CNGB3: variants seen among roughly 807,000 people sequenced by gnomAD.
The protein encoded by CNGB3 is cyclic nucleotide gated channel subunit beta 3, also known as cyclic nucleotide-gated channel beta-3.
Under a neutral mutation model 92.8 loss-of-function variants are expected in CNGB3, and 86 were observed. The observed-to-expected ratio is 0.93, with a 90% confidence interval of 0.78 to 1.11. CNGB3 has a LOEUF of 1.11. Ranked by LOEUF, CNGB3 falls within the 50% of genes least tolerant of loss-of-function variation. CNGB3 has a pLI of 0.00. For synonymous variants in CNGB3, 333 were observed against 332.7 expected (o/e 1.00, Z -0.01); for missense variants, 1,026 against 956.8 (o/e 1.07, Z -0.95).
chr8:86,591,777 T>A (rs1822043844), intron 15 of CNGB3, among the ~76,000 whole-genome samples: 2 of 152,252 alleles, frequency 1.3e-5, no homozygotes, highest in East Asian at 1.9e-4. Context: ...TCTGCAGAGG[T>A]TACTGCTGTC....
chr8:86,643,319 G>A (rs572715037), intron 10 of CNGB3, among the ~76,000 whole-genome samples: 1 of 151,310 alleles, frequency 6.6e-6, no homozygotes, highest in African/African-American at 2.4e-5. Flanking sequence ...TTTATTACTC[G>A]AGTACAATAC....
At chr8:86,634,053 T>A (rs1282158306) in intron 10 of CNGB3, among the ~76,000 whole-genome samples, 2 of 152,118 alleles carry the variant, frequency 1.3e-5, no homozygotes, top group Non-Finnish European at 2.9e-5. Flanking sequence ...CTGAGGTCAT[T>A]ACAGACCAGA....
Position 86,574,402 on chromosome 8 carries a change from T to C in CNGB3, c.*1402A>G, listed in dbSNP as rs1174995042. On this transcript the variant is annotated 3_prime_UTR_variant, in exon 18 of 18. Transcript: ENST00000320005. ...TTATCAAATAAATACTATTTAACAA[T>C]TTGTCCATATTCCCTTAAATCCTGA... The C allele has an allele frequency of 6.6e-6, 1 of 152,184 alleles. No individual in the cohort carries two copies. Among genetic ancestry groups the C allele is most frequent in the East Asian group, 1.9e-4 (1 of 5,200 alleles). 9.4% of individuals were successfully genotyped at this position (152,184 alleles called of 1,614,324 possible).
chr8:86,638,535 C>G (rs984462487), intron 10 of CNGB3, among the ~76,000 whole-genome samples: 1 of 152,104 alleles, frequency 6.6e-6, no homozygotes, highest in African/African-American at 2.4e-5. Flanking sequence ...ATCTTAGTCC[C>G]TAGTTTCTGT....
intron 7 of CNGB3, among the ~76,000 whole-genome samples, chr8:86,651,906 A>G (rs1451197720): frequency 6.6e-6 from 1 of 151,978 alleles, no homozygotes; most frequent in African/African-American, 2.4e-5. Context: ...ACAGGGACAT[A>G]TTCTGAGAAA....
At chr8:86,690,522 G>A (rs1031217127) in intron 3 of CNGB3, among the ~76,000 whole-genome samples, 1 of 152,148 alleles carries the variant, frequency 6.6e-6, no homozygotes, top group Non-Finnish European at 1.5e-5. Flanking sequence ...TATTCACTCT[G>A]ATGGTAGTTT....
At chr8:86,585,464 T>A (rs1821873404) in intron 15 of CNGB3, among the ~76,000 whole-genome samples, 9 of 152,052 alleles carry the variant, frequency 5.9e-5, no homozygotes, top group Admixed American at 5.9e-4. Flanking sequence ...CCCTCTGGAG[T>A]TGTGCAGTGT....
At chr8:86,687,429 G>C (rs746521129) in intron 3 of CNGB3, among the ~76,000 whole-genome samples, 25 of 151,936 alleles carry the variant, frequency 1.6e-4, no homozygotes, top group Admixed American at 6.6e-4. Context: ...AAAGAAGCTA[G>C]ACACAAAAGG....
At chr8:86,618,865 A>G (rs1333267340) in intron 13 of CNGB3, among the ~76,000 whole-genome samples, 4 of 152,186 alleles carry the variant, frequency 2.6e-5, no homozygotes, top group African/African-American at 9.6e-5. Context: ...GAGTGCTAGA[A>G]AGCATGCTGC....
At position 86,726,525 on chromosome 8, in the gene CNGB3, G is replaced by A. The variant is rs756625865; in HGVS notation, c.338+6C>T. On this transcript the variant is annotated splice_donor_region_variant and intron_variant, in intron 3 of 17. Coordinates refer to ENST00000320005, the MANE Select transcript of CNGB3 (RefSeq NM_019098.5). Reference sequence around the variant, plus strand: ...AAATATGTTGTGTGTTTTATTAAATGCTCACCTGTTTGGACCTTCTTTCCC... The same window carrying A: ...AAATATGTTGTGTGTTTTATTAAATACTCACCTGTTTGGACCTTCTTTCCC... 6.2e-7 allele frequency: 1 copy of A among 1,613,616 alleles called. No homozygotes were observed. Among genetic ancestry groups the A allele is most frequent in the Admixed American group, 1.7e-5 (1 of 60,010 alleles).
At chr8:86,731,513 T>C (rs1825155184) in intron 2 of CNGB3, among the ~76,000 whole-genome samples, 1 of 152,218 alleles carries the variant, frequency 6.6e-6, no homozygotes, top group African/African-American at 2.4e-5. Context: ...TGTGTCAGGA[T>C]GGAGGAATCC....
rs1418765864 is a variant in CNGB3 at position 86,593,736 on chromosome 8, GGAA to G, written c.1781+10354_1781+10356del. ...CCTGTCGTCCAGCAGTGGTGGGGGT[GGAA>G]GAAGCGTCACCAGCTCAGGATGCCA... is the stretch of plus-strand genomic sequence containing the variant. On this transcript the variant is annotated intron_variant, in intron 15 of 17. Transcript: ENST00000320005. 2.9e-6 allele frequency: 3 copies of G among 1,046,518 alleles called. No individual in the cohort carries two copies. In the African/African-American group the frequency reaches 4.8e-5, roughly 17 times the overall value. The allele number at this position is 1,046,518 out of a possible 1,614,324, so 64.8% of individuals were successfully genotyped here.
chr8:86,607,547 CA>C (rs1822434391), intron 14 of CNGB3, among the ~76,000 whole-genome samples: 4 of 152,182 alleles, frequency 2.6e-5, no homozygotes, highest in Admixed American at 2.6e-4. Flanking sequence ...CCTGGGTCAG[CA>C]GCATCAGCAT....
At chr8:86,578,189 G>C (rs1241189629) in intron 17 of CNGB3, among the ~76,000 whole-genome samples, 1 of 152,144 alleles carries the variant, frequency 6.6e-6, no homozygotes, top group Non-Finnish European at 1.5e-5. Flanking sequence ...GATTACAGGT[G>C]TGAGCCACCG....
chr8:86,658,923 C>T (rs1823573631), intron 6 of CNGB3: 7 of 1,000,344 alleles, frequency 7.0e-6, no homozygotes, highest in Admixed American at 1.8e-5. Context: ...CTCCAGCAGC[C>T]TCTCCTCCTG....
chr8:86,595,999 C>T (rs916445710), intron 15 of CNGB3, among the ~76,000 whole-genome samples: 3 of 151,990 alleles, frequency 2.0e-5, no homozygotes, highest in African/African-American at 2.4e-5. Flanking sequence ...CTAAAACATA[C>T]AAGAATATAT....
intron 15 of CNGB3, among the ~76,000 whole-genome samples, chr8:86,588,757 T>C (rs1294369420): frequency 1.3e-5 from 2 of 151,262 alleles, no homozygotes; most frequent in Non-Finnish European, 2.9e-5. Context: ...TTATTGAGGA[T>C]TTTTGCATCA....
intron 3 of CNGB3, among the ~76,000 whole-genome samples, chr8:86,691,382 G>A (rs988171811): frequency 7.2e-5 from 11 of 152,166 alleles, no homozygotes; most frequent in African/African-American, 2.2e-4. Flanking sequence ...TCTTCTGATT[G>A]CTTTGCTTGA....
At chr8:86,633,620 G>A (rs1383523585) in intron 10 of CNGB3, among the ~76,000 whole-genome samples, 2 of 152,150 alleles carry the variant, frequency 1.3e-5, no homozygotes, top group African/African-American at 4.8e-5. Context: ...GTATTTGTCA[G>A]TCAAGTCACT....
Sources: allele counts gnomAD v4.1 joint callset (sites outside exome capture counted in the v4.1 genomes callset), GRCh38; gene constraint gnomAD v4.1.1; transcripts MANE v1.5; gene names NCBI Gene and HGNC (gene_info 2026-07-23, HGNC 2026-07-21).